The following PPP2R5E variants were observed in gnomAD, a reference collection of about 807,000 sequenced individuals.
PPP2R5E encodes the protein protein phosphatase 2 regulatory subunit B'epsilon.
Under a neutral mutation model 65.3 loss-of-function variants are expected in PPP2R5E, and 4 were observed. The ratio of observed to expected loss-of-function variants is 0.06; its 90% confidence interval spans 0.03 to 0.14. The LOEUF (loss-of-function observed/expected upper bound fraction) is 0.14, where lower values mean the gene tolerates loss of function less well. PPP2R5E is among the 10% of genes least tolerant of loss of function. PPP2R5E has a pLI of 1.00. For synonymous variants in PPP2R5E, 183 were observed against 187.4 expected (o/e 0.98, Z 0.19); for missense variants, 274 against 556.1 (o/e 0.49, Z 5.10).
chr14:63,439,055 T>G (rs1436018804), intron 3 of PPP2R5E, among the ~76,000 whole-genome samples: 2 of 151,526 alleles, frequency 1.3e-5, no homozygotes, highest in African/African-American at 4.8e-5. Flanking sequence ...ACAAAAGATA[T>G]GGAAAGTCAT....
chr14:63,432,733 C>G (rs1887743588), intron 3 of PPP2R5E, among the ~76,000 whole-genome samples: 1 of 152,022 alleles, frequency 6.6e-6, no homozygotes, highest in Admixed American at 6.5e-5. Context: ...TGAGCTGGCC[C>G]CCTCTATGCA....
chr14:63,502,820 T>G (rs550146541), intron 2 of PPP2R5E, among the ~76,000 whole-genome samples: 1 of 152,174 alleles, frequency 6.6e-6, no homozygotes, highest in African/African-American at 2.4e-5. Context: ...TGAAAGCTCA[T>G]GAAATATAGT....
intron 2 of PPP2R5E, among the ~76,000 whole-genome samples, chr14:63,494,893 T>C (rs1891467693): frequency 6.8e-6 from 1 of 146,212 alleles, no homozygotes; most frequent in Non-Finnish European, 1.5e-5. Context: ...CCAGACCTTA[T>C]CTCAAAAAAC....
intron 5 of PPP2R5E, among the ~76,000 whole-genome samples, chr14:63,411,701 C>T (rs116922214): frequency 6.6e-6 from 1 of 151,374 alleles, no homozygotes; most frequent in Admixed American, 6.6e-5. Context: ...ACCTCTGCCC[C>T]CTCTGTCTTG....
At chr14:63,481,082 A>G (rs1342791504) in intron 2 of PPP2R5E, among the ~76,000 whole-genome samples, 1 of 152,346 alleles carries the variant, frequency 6.6e-6, no homozygotes, top group Admixed American at 6.5e-5. Flanking sequence ...TTTTTGACAC[A>G]TAACTCAGAA....
At chr14:63,510,197 T>C (rs575129315) in intron 2 of PPP2R5E, among the ~76,000 whole-genome samples, 20 of 152,124 alleles carry the variant, frequency 1.3e-4, no homozygotes, top group Non-Finnish European at 2.5e-4. Context: ...CATCAACGAA[T>C]AGGAGAAAAC....
chr14:63,446,936 G>A (rs1484624032), intron 3 of PPP2R5E, among the ~76,000 whole-genome samples: 1 of 152,118 alleles, frequency 6.6e-6, no homozygotes, highest in African/African-American at 2.4e-5. Context: ...TAATACTTTG[G>A]GGGAAAAGAA....
At chr14:63,433,490 T>C (rs944588300) in intron 3 of PPP2R5E, among the ~76,000 whole-genome samples, 2 of 152,316 alleles carry the variant, frequency 1.3e-5, no homozygotes, top group African/African-American at 4.8e-5. Context: ...TCTTTTCTCT[T>C]GGGCTTGCCT....
At chr14:63,389,841 A>C in intron 10 of PPP2R5E, 110 bp from the exon 11 acceptor site, 5 of 1,170,554 alleles carry the variant, frequency 4.3e-6, no homozygotes, top group Non-Finnish European at 5.8e-6. Context: ...TTTACACATA[A>C]AACCAAACAT....
At chr14:63,403,387 C>CA (rs35226807) in intron 5 of PPP2R5E, among the ~76,000 whole-genome samples, 5,640 of 78,422 alleles carry the variant, frequency 0.072, 201 homozygotes, top group South Asian at 0.11. Flanking sequence ...GAGTCTGTCT[C>CA]AAAAAAAAAA....
At chr14:63,410,386 G>A (rs1192738637) in intron 5 of PPP2R5E, among the ~76,000 whole-genome samples, 1 of 152,166 alleles carries the variant, frequency 6.6e-6, no homozygotes. Flanking sequence ...AAGGACAAGC[G>A]GGGGTGTGAA....
At position 63,481,772 on chromosome 14, in the gene PPP2R5E, T is replaced by G. The variant is rs993704941; in HGVS notation, c.158-27887A>C. ...ACAGCCTCATGGTCACAAGACATTTTAACTTTCTTTATTTTAAAATGATAT... is the reference window on the plus strand; with the variant it reads ...ACAGCCTCATGGTCACAAGACATTTGAACTTTCTTTATTTTAAAATGATAT... On this transcript the variant is annotated intron_variant, in intron 2 of 13. Coordinates refer to ENST00000337537, the MANE Select transcript of PPP2R5E (RefSeq NM_006246.5). Among the ~76,000 whole-genome samples the G allele has an allele frequency of 3.3e-5, 5 of 152,244 alleles. No individual in the cohort carries two copies. The East Asian group carries it at 9.6e-4, about 29-fold the overall frequency.
intron 2 of PPP2R5E, among the ~76,000 whole-genome samples, chr14:63,505,758 C>G (rs1227480660): frequency 6.6e-6 from 1 of 152,108 alleles, no homozygotes; most frequent in East Asian, 1.9e-4. Context: ...ATTCAGTGAC[C>G]GTCACATACT....
At position 63,484,104 on chromosome 14, in the gene PPP2R5E, G is replaced by A. The variant is rs141638581; in HGVS notation, c.158-30219C>T. Among the ~76,000 whole-genome samples, 281 of 151,500 alleles carry A rather than the reference G, an allele frequency of 1.9e-3. 2 individuals are homozygous for A. Among genetic ancestry groups the A allele is most frequent in the African/African-American group, 6.4e-3 (265 of 41,270 alleles). ...CCAAAAAAAAAAAAACTCCCAAGGA[G>A]TTAGAAGCAGAAAGATAAAGGGCCC... On this transcript the variant is annotated intron_variant, in intron 2 of 13. Coordinates refer to ENST00000337537, the MANE Select transcript of PPP2R5E (RefSeq NM_006246.5).
chr14:63,524,719 G>A (rs1010619477), intron 2 of PPP2R5E, among the ~76,000 whole-genome samples: 7 of 152,158 alleles, frequency 4.6e-5, no homozygotes, highest in African/African-American at 1.7e-4. Flanking sequence ...GACACGTCTT[G>A]TGCCCAGCTC....
At chr14:63,477,567 A>G (rs1257511907) in intron 2 of PPP2R5E, among the ~76,000 whole-genome samples, 1 of 152,034 alleles carries the variant, frequency 6.6e-6, no homozygotes, top group Non-Finnish European at 1.5e-5. Flanking sequence ...GAAGGAGAGG[A>G]GAAGAGGGAA....
intron 2 of PPP2R5E, among the ~76,000 whole-genome samples, chr14:63,483,725 T>C (rs2139604086): frequency 6.6e-6 from 1 of 151,980 alleles, no homozygotes; most frequent in African/African-American, 2.4e-5. Context: ...GTATTGACAT[T>C]CCCACAATAG....
chr14:63,531,669 C>T (rs923696672), intron 2 of PPP2R5E, among the ~76,000 whole-genome samples: 8 of 152,068 alleles, frequency 5.3e-5, no homozygotes, highest in South Asian at 2.1e-4. Context: ...CACACACACA[C>T]ACGGCCGGGT....
intron 2 of PPP2R5E, among the ~76,000 whole-genome samples, chr14:63,514,233 T>C (rs1857328605): frequency 6.6e-6 from 1 of 152,230 alleles, no homozygotes; most frequent in Admixed American, 6.5e-5. Flanking sequence ...ATTTATTCAT[T>C]CAATAAACAC....
Sources: gnomAD v4.1 joint callset for allele counts (sites outside exome capture counted in the v4.1 genomes callset) on GRCh38, gnomAD v4.1.1 for gene constraint, MANE v1.5 for transcripts, NCBI Gene and HGNC (gene_info 2026-07-23, HGNC 2026-07-21) for gene names.